Variants in TBC1D5 observed in about 807,000 individuals in gnomAD.
TBC1D5 encodes the protein TBC1 domain family member 5, also known as TBC1 domain family, member 5.
A neutral mutation model predicts 100.3 loss-of-function variants in TBC1D5; 75 were observed. The ratio of observed to expected loss-of-function variants is 0.75; its 90% CI spans 0.62 to 0.91. The LOEUF (loss-of-function observed/expected upper bound fraction) is 0.91. TBC1D5 is among the 40% of genes least tolerant of loss of function. The pLI, the probability that TBC1D5 is intolerant of heterozygous loss-of-function variation, is 0.00. For missense variants in TBC1D5, 910 were observed against 942.4 expected (o/e 0.97, Z 0.45); for synonymous variants, 323 against 325.6 (o/e 0.99, Z 0.09).
At chr3:17,185,888 G>A (rs572940480) in intron 18 of TBC1D5, among the ~76,000 whole-genome samples, 65 of 151,510 alleles carry the variant, frequency 4.3e-4, no homozygotes, top group African/African-American at 1.5e-3. Context: ...AAAGTACTCT[G>A]GGTTGAATAA....
intron 1 of TBC1D5, among the ~76,000 whole-genome samples, chr3:17,703,903 GTTTT>G (rs36000123): frequency 4.8e-5 from 7 of 145,178 alleles, no homozygotes; most frequent in South Asian, 4.3e-4. Context: ...TGATATTTGT[GTTTT>G]TTTTTTGTTT....
chr3:17,443,280 C>T (rs567323986), intron 3 of TBC1D5, among the ~76,000 whole-genome samples: 5 of 152,284 alleles, frequency 3.3e-5, no homozygotes, highest in African/African-American at 9.6e-5. Context: ...GTCTCACTTG[C>T]ACTCCGAGCT....
intron 3 of TBC1D5, among the ~76,000 whole-genome samples, chr3:17,489,042 T>C (rs2095605748): frequency 6.6e-6 from 1 of 151,550 alleles, no homozygotes. Flanking sequence ...TTGTCTTCCA[T>C]AAAGCCAGTC....
chr3:17,695,569 C>A (rs1447907186), intron 1 of TBC1D5, among the ~76,000 whole-genome samples: 3 of 152,120 alleles, frequency 2.0e-5, no homozygotes, highest in Non-Finnish European at 4.4e-5. Context: ...ATATATACAC[C>A]CAATACAGGA....
intron 18 of TBC1D5, among the ~76,000 whole-genome samples, chr3:17,194,117 C>T (rs1252071771): frequency 4.6e-5 from 7 of 152,140 alleles, no homozygotes; most frequent in Non-Finnish European, 1.0e-4. Flanking sequence ...GGATGGGATG[C>T]AGCTGGTCCA....
At chr3:17,262,376 G>A (rs1255091127) in intron 15 of TBC1D5, among the ~76,000 whole-genome samples, 2 of 151,806 alleles carry the variant, frequency 1.3e-5, no homozygotes, top group African/African-American at 4.8e-5. Context: ...CATATGTGTG[G>A]TCTGTTGTTG....
intron 2 of TBC1D5, among the ~76,000 whole-genome samples, chr3:17,550,023 A>C (rs2096458964): frequency 6.6e-6 from 1 of 151,844 alleles, no homozygotes; most frequent in African/African-American, 2.4e-5. Flanking sequence ...TGTCATGTGA[A>C]AGATACAATT....
intron 8 of TBC1D5, among the ~76,000 whole-genome samples, chr3:17,394,058 G>A (rs532797193): frequency 6.6e-5 from 10 of 152,190 alleles, no homozygotes; most frequent in East Asian, 1.9e-4. Flanking sequence ...AGCAAGTAGA[G>A]ATCAGGGATC....
At chr3:17,220,374 T>C (rs1015394584) in intron 17 of TBC1D5, among the ~76,000 whole-genome samples, 2 of 152,140 alleles carry the variant, frequency 1.3e-5, no homozygotes, top group African/African-American at 4.8e-5. Flanking sequence ...GACTTCACTA[T>C]GTTAGCTTAA....
intron 14 of TBC1D5, among the ~76,000 whole-genome samples, chr3:17,297,774 A>T (rs2082411255): frequency 6.8e-6 from 1 of 147,256 alleles, no homozygotes; most frequent in Non-Finnish European, 1.5e-5. Context: ...TTTTTAATTG[A>T]GACGGGGGTC....
intron 2 of TBC1D5, among the ~76,000 whole-genome samples, chr3:17,583,622 G>A (rs960985815): frequency 1.6e-4 from 24 of 152,272 alleles, no homozygotes; most frequent in African/African-American, 5.5e-4. Flanking sequence ...AGCTACTCAG[G>A]GGGCTGAGGC....
chr3:17,553,821 A>C (rs2153455504), intron 2 of TBC1D5, among the ~76,000 whole-genome samples: 1 of 152,352 alleles, frequency 6.6e-6, no homozygotes, highest in East Asian at 1.9e-4. Flanking sequence ...TTGCGGGTTC[A>C]GATAAGAGAC....
At chr3:17,650,029 AAACT>A (rs1391154353) in intron 1 of TBC1D5, among the ~76,000 whole-genome samples, 1 of 152,162 alleles carries the variant, frequency 6.6e-6, no homozygotes, top group East Asian at 1.9e-4. Context: ...CATTCTCAGC[AAACT>A]AACACATGAA....
At chr3:17,354,320 CCTT>C (rs2090975988) in intron 13 of TBC1D5, among the ~76,000 whole-genome samples, 1 of 152,126 alleles carries the variant, frequency 6.6e-6, no homozygotes, top group African/African-American at 2.4e-5. Context: ...ACAAACCTCT[CCTT>C]CTGATAGACT....
chr3:17,547,507 C>G (rs1457452463), intron 2 of TBC1D5, among the ~76,000 whole-genome samples: 1 of 152,178 alleles, frequency 6.6e-6, no homozygotes, highest in Non-Finnish European at 1.5e-5. Flanking sequence ...CCAGCAACAT[C>G]AGGACAGTCT....
At chr3:17,489,186 A>G (rs2095607830) in intron 3 of TBC1D5, among the ~76,000 whole-genome samples, 1 of 151,574 alleles carries the variant, frequency 6.6e-6, no homozygotes, top group African/African-American at 2.4e-5. Flanking sequence ...TTGCTGTAGT[A>G]TATGTAGCAA....
chr3:17,619,610 T>A (rs1227664391), intron 2 of TBC1D5, among the ~76,000 whole-genome samples: 1 of 152,164 alleles, frequency 6.6e-6, no homozygotes, highest in Non-Finnish European at 1.5e-5. Context: ...GGATCAGAGA[T>A]CTAATCATAA....
At chr3:17,347,043 C>T (rs1011046342) in intron 13 of TBC1D5, among the ~76,000 whole-genome samples, 13 of 152,100 alleles carry the variant, frequency 8.5e-5, no homozygotes, top group African/African-American at 2.4e-4. Context: ...TAAAATTTAC[C>T]TTTATTTAAA....
intron 3 of TBC1D5, among the ~76,000 whole-genome samples, chr3:17,463,833 G>C (rs1382908298): frequency 6.6e-6 from 1 of 151,862 alleles, no homozygotes; most frequent in Non-Finnish European, 1.5e-5. Flanking sequence ...GCAGAATGTG[G>C]CCTGCTAATT....
Sources: gnomAD v4.1 joint callset for allele counts (sites outside exome capture counted in the v4.1 genomes callset) on GRCh38, gnomAD v4.1.1 for gene constraint, MANE v1.5 for transcripts, NCBI Gene and HGNC (gene_info 2026-07-23, HGNC 2026-07-21) for gene names.